The following ARHGAP17 variants were observed in gnomAD, a reference collection of about 807,000 sequenced individuals.
The protein encoded by ARHGAP17 is Rho GTPase activating protein 17.
Under a neutral mutation model 99.5 loss-of-function variants are expected in ARHGAP17, and 57 were observed. The ratio of observed to expected loss-of-function variants is 0.57; its 90% CI spans 0.46 to 0.71. The LOEUF is 0.71. Among genes scored for constraint, ARHGAP17 ranks in the 30% least tolerant of loss-of-function variants. The probability of loss-of-function intolerance (pLI) is 0.00; values close to 1 mark genes in which losing one functional copy is unlikely to be tolerated. For missense variants in ARHGAP17, 1,000 were observed against 1,122.4 expected (o/e 0.89, Z 1.56); for synonymous variants, 417 against 429.6 (o/e 0.97, Z 0.36).
chr16:24,974,549 G>A (rs376355109), intron 3 of ARHGAP17, among the ~76,000 whole-genome samples: 1 of 152,228 alleles, frequency 6.6e-6, no homozygotes, highest in East Asian at 1.9e-4. Context: ...TGCCCCCAGG[G>A]GTGTAATTCT....
At chr16:25,014,339 A>T (rs1273590382) in intron 1 of ARHGAP17, among the ~76,000 whole-genome samples, 2 of 152,220 alleles carry the variant, frequency 1.3e-5, no homozygotes, top group African/African-American at 4.8e-5. Context: ...GCCCCAGATA[A>T]TACAGCACAT....
At chr16:25,008,253 T>C (rs951802398) in intron 1 of ARHGAP17, among the ~76,000 whole-genome samples, 1 of 152,222 alleles carries the variant, frequency 6.6e-6, no homozygotes, top group African/African-American at 2.4e-5. Flanking sequence ...TATTAAACTA[T>C]GCATAATCTT....
intron 1 of ARHGAP17, among the ~76,000 whole-genome samples, chr16:24,989,054 C>T (rs1339789270): frequency 6.6e-6 from 1 of 152,218 alleles, no homozygotes; most frequent in East Asian, 1.9e-4. Flanking sequence ...CAGGAGGAGT[C>T]CAGTTTACTG....
rs776762994 is a variant in ARHGAP17 at position 24,931,247 on chromosome 16, C to T, written c.2052G>A (p.Gln684=). Residue 684 remains glutamine, a synonymous_variant, in exon 19 of 20, where the codon CAG becomes CAA. Coordinates refer to ENST00000289968, the MANE Select transcript of ARHGAP17 (RefSeq NM_001006634.3). ...SPSPPTQHTG[Q]PPGQPSAPSQ... ...AGGGGGCGGAGGGCTGGCCTGGAGG[C>T]TGGCCCGTGTGCTGGGTGGGAGGAG... is the stretch of plus-strand genomic sequence containing the variant. 3 of 1,482,574 alleles carry T rather than the reference C, an allele frequency of 2.0e-6. No individual in the cohort carries two copies. The highest frequency in any genetic ancestry group is 2.7e-6 in the Non-Finnish European group (3 of 1,109,864). The allele number at this position is 1,482,574 out of a possible 1,614,324, so 91.8% of individuals were successfully genotyped here. A position where few individuals can be genotyped will look rare whatever the true frequency, so the allele number is the denominator to read the frequency against.
chr16:24,929,079 C>T lies in ARHGAP17; in HGVS notation c.2515+1705G>A, dbSNP rs930615976. The stretch of plus-strand genomic sequence containing the variant: ...CTCTTTGGTTGGATGCTGGTGAGCC[C>T]ATCAGTGACAGGTAAATCACACTGG... On this transcript the variant is annotated intron_variant, in intron 19 of 19. Coordinates refer to ENST00000289968, the MANE Select transcript of ARHGAP17 (RefSeq NM_001006634.3). 2.6e-5 allele frequency among the ~76,000 whole-genome samples: 4 copies of T among 152,002 alleles called. No individual in the cohort carries two copies. In the East Asian group the frequency reaches 7.7e-4, roughly 29 times the overall value.
intron 1 of ARHGAP17, among the ~76,000 whole-genome samples, chr16:24,998,126 G>A (rs960643469): frequency 6.6e-6 from 1 of 152,026 alleles, no homozygotes; most frequent in Non-Finnish European, 1.5e-5. Flanking sequence ...GTGAAGCATG[G>A]ATGAGGGACT....
intron 13 of ARHGAP17, among the ~76,000 whole-genome samples, chr16:24,948,290 AAC>A (rs2141218118): frequency 6.6e-6 from 1 of 152,318 alleles, no homozygotes; most frequent in South Asian, 2.1e-4. Context: ...TGAGAGGAAA[AAC>A]ACACAGGCAA....
intron 1 of ARHGAP17, among the ~76,000 whole-genome samples, chr16:24,982,981 TATATATATATA>T (rs2052727536): frequency 9.8e-5 from 1 of 10,236 alleles, no homozygotes; most frequent in African/African-American, 3.1e-4. Context: ...TATATATATA[TATATATATATA>T]TATATTTTTT....
chr16:24,934,085 G>A (rs1410581299), intron 18 of ARHGAP17, among the ~76,000 whole-genome samples: 2 of 152,176 alleles, frequency 1.3e-5, no homozygotes, highest in African/African-American at 4.8e-5. Flanking sequence ...CCTATGATTT[G>A]TAGAAATTCC....
intron 1 of ARHGAP17, among the ~76,000 whole-genome samples, chr16:24,980,563 G>A (rs74903573): frequency 0.032 from 4,905 of 152,238 alleles, 279 homozygotes; most frequent in African/African-American, 0.11. Flanking sequence ...GGCAAGCAAG[G>A]TGCCAGGCAT....
chr16:24,962,207 A>C (rs1310309545), intron 7 of ARHGAP17, among the ~76,000 whole-genome samples: 1 of 152,166 alleles, frequency 6.6e-6, no homozygotes, highest in Non-Finnish European at 1.5e-5. Context: ...AAAAGTCGGA[A>C]TGCTAAGCAT....
At chr16:24,972,357 A>C (rs2052390812) in intron 3 of ARHGAP17, among the ~76,000 whole-genome samples, 1 of 152,172 alleles carries the variant, frequency 6.6e-6, no homozygotes, top group Non-Finnish European at 1.5e-5. Flanking sequence ...AGAGGCATTT[A>C]CTCATTTCCC....
In ARHGAP17 at chr16:24,939,570, CT is replaced by C; in HGVS notation, c.1517del (p.Gln506ArgfsTer9). The C allele has an allele frequency of 6.2e-7, 1 of 1,607,514 alleles. No individual in the cohort carries two copies. The highest frequency in any genetic ancestry group is 8.5e-7 in the Non-Finnish European group (1 of 1,177,718). On this transcript the variant is annotated frameshift_variant, in exon 17 of 20. Transcript: ENST00000289968. LOFTEE classifies it high-confidence loss of function. ...TTAGAGTGCCACCCCGCCGGTGGGC[CT>C]GGAAGTCCATAAGCTTCACACCAAA... ...ESFGVKLMDF[Q>X]AHRRGGTLNR...
chr16:24,978,918 T>A (rs1423080889), intron 2 of ARHGAP17, 48 bp downstream of exon 2: 1 of 1,464,424 alleles, frequency 6.8e-7, no homozygotes. Context: ...ATAGGAATTT[T>A]TTTCCATCCT....
At chr16:24,999,928 A>T (rs552245338) in intron 1 of ARHGAP17, among the ~76,000 whole-genome samples, 2 of 152,240 alleles carry the variant, frequency 1.3e-5, no homozygotes, top group Admixed American at 1.3e-4. Flanking sequence ...GTCACACTGT[A>T]TGTCCTCACT....
intron 19 of ARHGAP17, among the ~76,000 whole-genome samples, chr16:24,928,640 A>G (rs1445411388): frequency 6.6e-6 from 1 of 152,152 alleles, no homozygotes; most frequent in Admixed American, 6.5e-5. Flanking sequence ...TTTTCCACTT[A>G]CGGTTCCTAC....
Position 24,947,600 on chromosome 16 carries a change from G to A in ARHGAP17, c.1128-5C>T. 1 of 1,606,282 alleles carries A rather than the reference G, an allele frequency of 6.2e-7. No homozygotes were observed. Among genetic ancestry groups the A allele is most frequent in the Non-Finnish European group, 8.5e-7 (1 of 1,177,706 alleles). ...GCAAGGAACTTGATCAAATATCTAG[G>A]GGTCAAAAGAGAAGGGGAGGGTTTC... On this transcript the variant is annotated splice_region_variant and splice_polypyrimidine_tract_variant and intron_variant, in intron 13 of 19. Coordinates refer to ENST00000289968, the MANE Select transcript of ARHGAP17 (RefSeq NM_001006634.3).
Position 25,015,324 on chromosome 16 carries a change from G to T in ARHGAP17, c.-63C>A. On this transcript the variant is annotated 5_prime_UTR_variant, in exon 1 of 20. The change creates a new upstream start codon in the 5' untranslated region. Transcript: ENST00000289968. ...GGGCAGGGCGGGGGACAGCCTGGCA[G>T]CTACTACATCGCTTCCCGGCCCAAA... 8.1e-7 allele frequency: 1 copy of T among 1,235,894 alleles called. No individual in the cohort carries two copies. 76.6% of individuals were successfully genotyped at this position (1,235,894 alleles called of 1,614,324 possible).
chr16:24,988,389 G>A (rs979489556), intron 1 of ARHGAP17, among the ~76,000 whole-genome samples: 5 of 152,088 alleles, frequency 3.3e-5, no homozygotes, highest in East Asian at 1.9e-4. Context: ...GATACTTAAC[G>A]GGGGGAAATG....
Sources: gnomAD v4.1 joint callset for allele counts (sites outside exome capture counted in the v4.1 genomes callset) on GRCh38, gnomAD v4.1.1 for gene constraint, MANE v1.5 for transcripts, NCBI Gene and HGNC (gene_info 2026-07-23, HGNC 2026-07-21) for gene names.